MIPOL1: variants seen among roughly 807,000 people sequenced by gnomAD.
MIPOL1 encodes the protein mirror-image polydactyly gene 1 protein.
Under a neutral mutation model 60.9 loss-of-function variants are expected in MIPOL1, and 57 were observed. The ratio of observed to expected loss-of-function variants is 0.94; its 90% CI spans 0.76 to 1.17. MIPOL1 has a LOEUF of 1.17. Ranked by LOEUF, MIPOL1 falls within the 50% of genes most tolerant of loss-of-function variation. The probability of loss-of-function intolerance (pLI) is 0.00; values close to 1 mark genes in which losing one functional copy is unlikely to be tolerated. For synonymous variants in MIPOL1, 179 were observed against 168.8 expected, an observed-to-expected ratio of 1.06 and a Z score of -0.47; for missense variants, 551 against 511.6, an observed-to-expected ratio of 1.08 and a Z score of -0.74.
intron 1 of MIPOL1, among the ~76,000 whole-genome samples, chr14:37,238,964 A>G (rs1167836715): frequency 6.6e-6 from 1 of 151,810 alleles, no homozygotes; most frequent in South Asian, 2.1e-4. Flanking sequence ...AAAAAAAAGT[A>G]ATATATATAT....
At chr14:37,411,942 G>A (rs1295205290) in intron 10 of MIPOL1, among the ~76,000 whole-genome samples, 1 of 151,974 alleles carries the variant, frequency 6.6e-6, no homozygotes, top group African/African-American at 2.4e-5. Flanking sequence ...CTTTGATATG[G>A]CTATATGAGA....
chr14:37,326,672 G>A (rs889043952), intron 9 of MIPOL1, among the ~76,000 whole-genome samples: 1 of 152,136 alleles, frequency 6.6e-6, no homozygotes, highest in African/African-American at 2.4e-5. Flanking sequence ...CCATGTTGCC[G>A]AGCCCTTGCA....
At chr14:37,208,655 A>G (rs1966485018) in intron 1 of MIPOL1, among the ~76,000 whole-genome samples, 1 of 152,158 alleles carries the variant, frequency 6.6e-6, no homozygotes, top group Admixed American at 6.6e-5. Flanking sequence ...GTGCAGTGGC[A>G]CAGTCTTGGC....
chr14:37,220,796 TAG>T (rs1206409889), intron 1 of MIPOL1, among the ~76,000 whole-genome samples: 3 of 152,146 alleles, frequency 2.0e-5, no homozygotes, highest in Admixed American at 1.3e-4. Context: ...TGCTTATTAA[TAG>T]AGAGTCTCCC....
intron 1 of MIPOL1, among the ~76,000 whole-genome samples, chr14:37,236,922 G>T (rs138060529): frequency 1.3e-4 from 20 of 152,218 alleles, no homozygotes; most frequent in African/African-American, 4.8e-4. Flanking sequence ...TGATCCAGGG[G>T]ATCATCCTGA....
chr14:37,527,417 AAG>A (rs1247744244), intron 12 of MIPOL1, among the ~76,000 whole-genome samples: 3 of 152,218 alleles, frequency 2.0e-5, no homozygotes, highest in African/African-American at 7.2e-5. Context: ...TTCCATTTAA[AAG>A]AGTTATTTTT....
At chr14:37,230,841 G>A (rs1250579006) in intron 1 of MIPOL1, among the ~76,000 whole-genome samples, 2 of 152,100 alleles carry the variant, frequency 1.3e-5, no homozygotes, top group Admixed American at 6.6e-5. Flanking sequence ...GAATGCAGCC[G>A]ATGAGATAAT....
chr14:37,385,766 T>G (rs979493041), intron 10 of MIPOL1: 1 of 152,164 alleles, frequency 6.6e-6, no homozygotes, highest in South Asian at 2.1e-4. Context: ...CTAGAAAAAG[T>G]TGATGAAAAA....
rs148949766 is a variant in MIPOL1, at chr14:37,444,088, G to A, written c.1031+21139G>A. Among the ~76,000 whole-genome samples the A allele has an allele frequency of 5.0e-3, 762 of 152,198 alleles. 6 individuals are homozygous for A. The highest frequency in any genetic ancestry group is 0.017 in the African/African-American group (720 of 41,542). ...ATCTTCCCACTTGAACTTTCTGAAG[G>A]AACCCATAATTATTAAAAATTGGAA... On this transcript the variant is annotated intron_variant, in intron 11 of 12. Transcript: ENST00000684589.
chr14:37,299,540 A>G (rs2086175338), intron 7 of MIPOL1, among the ~76,000 whole-genome samples: 2 of 152,116 alleles, frequency 1.3e-5, no homozygotes, highest in Admixed American at 6.6e-5. Context: ...ATATGATGGG[A>G]TAAGTAGATT....
chr14:37,346,441 A>G (rs1268969760), intron 9 of MIPOL1, among the ~76,000 whole-genome samples: 1 of 152,214 alleles, frequency 6.6e-6, no homozygotes, highest in African/African-American at 2.4e-5. Context: ...AAACAACCCA[A>G]ATATGCAAAT....
intron 12 of MIPOL1, among the ~76,000 whole-genome samples, chr14:37,501,239 C>G (rs754458773): frequency 6.6e-6 from 1 of 152,114 alleles, no homozygotes; most frequent in African/African-American, 2.4e-5. Flanking sequence ...CAGTCAGAAA[C>G]TATATGCAGT....
At chr14:37,280,775 C>T (rs1018517351) in intron 6 of MIPOL1, among the ~76,000 whole-genome samples, 8 of 152,186 alleles carry the variant, frequency 5.3e-5, no homozygotes, top group Non-Finnish European at 8.8e-5. Context: ...TCTCATGCCT[C>T]AGCCTCCCAA....
chr14:37,250,516 C>T (rs924555872), intron 3 of MIPOL1, among the ~76,000 whole-genome samples: 6 of 152,072 alleles, frequency 3.9e-5, no homozygotes, highest in East Asian at 1.9e-4. Context: ...CATCACACTC[C>T]AGTCTGGGCA....
Position 37,521,170 on chromosome 14 carries a change from C to T in MIPOL1, c.1262+21032C>T, listed in dbSNP as rs185804030. Among the ~76,000 whole-genome samples the T allele has an allele frequency of 2.8e-3, 425 of 151,968 alleles. 2 individuals carry two copies. Among genetic ancestry groups the T allele is most frequent in the African/African-American group, 9.8e-3 (408 of 41,448 alleles). The stretch of plus-strand genomic sequence containing the variant: ...CTGGCTGGTCTTGAACTCCTGACCT[C>T]AGGTGATCCACCCGCCTCAGTCTCC... On this transcript the variant is annotated intron_variant, in intron 12 of 12. Transcript: ENST00000684589.
At chr14:37,358,014 C>T (rs1348976297) in intron 9 of MIPOL1, among the ~76,000 whole-genome samples, 4 of 151,702 alleles carry the variant, frequency 2.6e-5, no homozygotes, top group East Asian at 1.9e-4. Flanking sequence ...GAGAGGCCCC[C>T]GTGTGTGATG....
chr14:37,344,160 T>A (rs1427646719), intron 9 of MIPOL1, among the ~76,000 whole-genome samples: 1 of 152,082 alleles, frequency 6.6e-6, no homozygotes, highest in African/African-American at 2.4e-5. Flanking sequence ...AGTTTAATTT[T>A]CAAATTCCAA....
At position 37,426,570 on chromosome 14, in the gene MIPOL1, C is replaced by CATATATATATATATATATATATATATAT. The variant is rs68123796; in HGVS notation, c.1031+3646_1031+3647insTATATATATATATATATATATATATATA. Among the ~76,000 whole-genome samples, 24 of 85,522 alleles carry CATATATATATATATATATATATATATAT rather than the reference C, an allele frequency of 2.8e-4. 1 individual carries two copies. The highest frequency in any genetic ancestry group is 4.0e-4 in the Non-Finnish European group (18 of 44,872). The allele number at this position is 85,522 out of a possible 152,430, so 56.1% of individuals were successfully genotyped here. On this transcript the variant is annotated intron_variant, in intron 11 of 12. Coordinates refer to ENST00000684589, the MANE Select transcript of MIPOL1 (RefSeq NM_001388067.1). ...GAGTGAAACTCTGTCTCAAAATATA[C>CATATATATATATATATATATATATATAT]ATATATATATATATATATATATATA...
rs1178605323 is a variant in MIPOL1 at position 37,520,160 on chromosome 14, G to T, written c.1262+20022G>T. 5.3e-5 allele frequency among the ~76,000 whole-genome samples: 8 copies of T among 152,180 alleles called. No individual in the cohort carries two copies. In the East Asian group the frequency reaches 1.5e-3, roughly 29 times the overall value. On this transcript the variant is annotated intron_variant, in intron 12 of 12. Coordinates refer to ENST00000684589, the MANE Select transcript of MIPOL1 (RefSeq NM_001388067.1). Reference sequence around the variant, plus strand: ...ATAAGTTGAATATTACTTTTACTTTGTAGGCCCATGGCTTAGTCTAAAATT... The same window carrying T: ...ATAAGTTGAATATTACTTTTACTTTTTAGGCCCATGGCTTAGTCTAAAATT...
Sources: allele counts gnomAD v4.1 joint callset (sites outside exome capture counted in the v4.1 genomes callset), GRCh38; gene constraint gnomAD v4.1.1; transcripts MANE v1.5; gene names NCBI Gene and HGNC (gene_info 2026-07-23, HGNC 2026-07-21).